Variants in EML5 observed in about 807,000 individuals in gnomAD.
EML5 encodes the protein EMAP like 5.
Under a neutral mutation model 250.0 loss-of-function variants are expected in EML5, and 120 were observed. The observed-to-expected ratio is 0.48, with a 90% CI of 0.41 to 0.56. The LOEUF (loss-of-function observed/expected upper bound fraction) is 0.56, where lower values mean the gene tolerates loss of function less well. Among genes scored for constraint, EML5 ranks in the 20% least tolerant of loss-of-function variants. The pLI is 0.00. For synonymous variants in EML5, 771 were observed against 806.5 expected (o/e 0.96, Z 0.75); for missense variants, 2,006 against 2,437.6 (o/e 0.82, Z 3.73).
At chr14:88,704,317 T>G (rs533405734) in intron 13 of EML5, among the ~76,000 whole-genome samples, 2 of 152,276 alleles carry the variant, frequency 1.3e-5, no homozygotes, top group African/African-American at 4.8e-5. Context: ...CTTTGCCTTC[T>G]GCCATGAGTA....
intron 36 of EML5, chr14:88,624,696 T>C: frequency 2.6e-6 from 1 of 378,150 alleles, no homozygotes; most frequent in South Asian, 3.1e-5. Context: ...TACACAGGCA[T>C]ACAGACATTA....
In EML5 at chr14:88,659,279, T is replaced by G. The variant is rs907242454; in HGVS notation, c.3676-891A>C. 2.0e-5 allele frequency among the ~76,000 whole-genome samples: 3 copies of G among 151,996 alleles called. No individual in the cohort carries two copies. The East Asian group carries it at 5.8e-4, about 29-fold the overall frequency. On this transcript the variant is annotated intron_variant, in intron 25 of 43. Coordinates refer to ENST00000554922, the MANE Select transcript of EML5 (RefSeq NM_183387.3). ...GATACTGGAATGCAGTGGCACGATC[T>G]TGGCCCACTGTAACCTCCGCCTCCT...
chr14:88,700,281 A>AT (rs1283048376), intron 14 of EML5, among the ~76,000 whole-genome samples: 1 of 152,086 alleles, frequency 6.6e-6, no homozygotes, highest in Non-Finnish European at 1.5e-5. Flanking sequence ...AACTCTCTAG[A>AT]TTTTTCATCT....
rs982799125 is a variant in EML5 at position 88,616,964 on chromosome 14, CTAAG to C, written c.5643-89_5643-86del. ...CAAAAAGTTTCTTGGCAATTAATCT[CTAAG>C]TACCCTATCATGTTACTTAAAATAC... On this transcript the variant is annotated intron_variant, in intron 41 of 43. Transcript: ENST00000554922. 4.3e-5 allele frequency: 55 copies of C among 1,271,954 alleles called. No homozygotes were observed. The African/African-American group carries it at 5.6e-4, about 13-fold the overall frequency. The allele number at this position is 1,271,954 out of a possible 1,614,324, so 78.8% of individuals were successfully genotyped here.
chr14:88,694,576 A>G (rs1200401201), intron 16 of EML5, among the ~76,000 whole-genome samples, 169 bp from the exon 17 acceptor site: 3 of 152,198 alleles, frequency 2.0e-5, no homozygotes, highest in Non-Finnish European at 4.4e-5. Flanking sequence ...TTAATATGGT[A>G]ACTCTGCTCA....
intron 8 of EML5, among the ~76,000 whole-genome samples, chr14:88,717,742 G>A (rs889914213): frequency 6.2e-5 from 9 of 145,566 alleles, no homozygotes; most frequent in East Asian, 2.1e-4. Context: ...GTGACAGGGC[G>A]AGACTCCGTC....
At position 88,792,195 on chromosome 14, in the gene EML5, C is replaced by T. The variant is rs974263289; in HGVS notation, c.197+112G>A. The T allele has an allele frequency of 1.5e-6, 2 of 1,305,084 alleles. No individual in the cohort carries two copies. Among genetic ancestry groups the T allele is most frequent in the Non-Finnish European group, 2.1e-6 (2 of 963,828 alleles). The allele number at this position is 1,305,084 out of a possible 1,614,324, so 80.8% of individuals were successfully genotyped here. A position where few individuals can be genotyped will look rare whatever the true frequency, so the allele number is the denominator to read the frequency against. The stretch of plus-strand genomic sequence containing the variant: ...GGACCAGAGAGACAGCTGCGGATTC[C>T]CCTCGGGGTGATGCTCCGTGCAGGA... On this transcript the variant is annotated intron_variant, in intron 1 of 43. Transcript: ENST00000554922. This position sits in a 1 kb window ranked among gnomAD's most constrained non-coding sequence, Gnocchi z 6.9.
rs777111206 is a variant in EML5, at chr14:88,688,322, T to C, written c.2691A>G (p.Lys897=). 17 of 1,613,998 alleles carry C rather than the reference T, an allele frequency of 1.1e-5. No homozygotes were observed. Among genetic ancestry groups the C allele is most frequent in the Non-Finnish European group, 1.4e-5 (17 of 1,179,894 alleles). ...CTGGCCCATCATGCGCTTTCACTGT[T>C]TTTACAAGAAAGATGTCTCTCCAGA... ...VCIWRDIFLV[K]TVKAHDGPVF... Residue 897 remains lysine (K), a synonymous_variant, in exon 18 of 44, where the codon AAA becomes AAG. Coordinates refer to ENST00000554922, the MANE Select transcript of EML5 (RefSeq NM_183387.3).
intron 4 of EML5, among the ~76,000 whole-genome samples, chr14:88,741,824 T>C (rs1420722383): frequency 6.6e-6 from 1 of 152,182 alleles, no homozygotes; most frequent in Non-Finnish European, 1.5e-5. Flanking sequence ...AATAAGTAAT[T>C]AACATTTAAA....
chr14:88,657,712 G>C (rs1220829679), intron 26 of EML5, among the ~76,000 whole-genome samples: 1 of 151,942 alleles, frequency 6.6e-6, no homozygotes, highest in African/African-American at 2.4e-5. Context: ...AATAATAGCA[G>C]GTTAAAAAAT....
At chr14:88,682,544 T>C (rs1313274281) in intron 20 of EML5, among the ~76,000 whole-genome samples, 1 of 152,144 alleles carries the variant, frequency 6.6e-6, no homozygotes, top group Non-Finnish European at 1.5e-5. Flanking sequence ...TAAACTGAGA[T>C]CCACTCCCTT....
intron 18 of EML5, among the ~76,000 whole-genome samples, chr14:88,688,025 C>T (rs1223384532): frequency 6.6e-6 from 1 of 152,134 alleles, no homozygotes; most frequent in Non-Finnish European, 1.5e-5. Context: ...GAGCTATGAC[C>T]ACACCACTGC....
At chr14:88,759,200 T>G (rs1408909675) in intron 1 of EML5, among the ~76,000 whole-genome samples, 1 of 152,204 alleles carries the variant, frequency 6.6e-6, no homozygotes, top group Admixed American at 6.5e-5. Context: ...CATTACTGTC[T>G]GTACACATAT....
chr14:88,726,731 A>G, intron 7 of EML5, 53 bp from the exon 8 acceptor site: 2 of 1,347,608 alleles, frequency 1.5e-6, no homozygotes, highest in Non-Finnish European at 2.0e-6. Flanking sequence ...ATACTTTAGT[A>G]AAAATATTTT....
intron 2 of EML5, among the ~76,000 whole-genome samples, chr14:88,752,426 TTC>T (rs1324454556): frequency 1.3e-5 from 2 of 152,180 alleles, no homozygotes; most frequent in Non-Finnish European, 2.9e-5. Flanking sequence ...GAAAATGAAA[TTC>T]TGACAGAACA....
At chr14:88,749,487 CAT>C (rs1302092385) in intron 2 of EML5, among the ~76,000 whole-genome samples, 8 of 152,026 alleles carry the variant, frequency 5.3e-5, no homozygotes, top group African/African-American at 1.9e-4. Flanking sequence ...ACAACTTACA[CAT>C]ATGAGAGTGT....
chr14:88,756,494 G>A (rs762919555), intron 1 of EML5, among the ~76,000 whole-genome samples: 3 of 152,038 alleles, frequency 2.0e-5, no homozygotes, highest in Non-Finnish European at 2.9e-5. Flanking sequence ...AGATATTCTA[G>A]CCAAGAAAAA....
In EML5 at chr14:88,688,377, A is replaced by C. The variant is rs1220134268; in HGVS notation, c.2636T>G (p.Phe879Cys). The C allele has an allele frequency of 1.9e-6, 3 of 1,613,894 alleles. No homozygotes were observed. The African/African-American group carries it at 4.0e-5, about 22-fold the overall frequency. The change falls in exon 18 of 44, where the codon TTT (phenylalanine) becomes TGT (cysteine). Residue 879 changes from phenylalanine (F) to cysteine (C), a missense_variant. By Grantham distance (205) the Phe-to-Cys change is radical. This residue lies in a region of EML5 where 1,375 missense variants were observed against 1,590.3 expected (regional missense o/e 0.86). Coordinates refer to ENST00000554922, the MANE Select transcript of EML5 (RefSeq NM_183387.3). ...CACATCTCCTGTGGATGTTCCAGAAAAAGCCATCTCTTCAGTCCATCCATA... is the reference window on the plus strand; with the variant it reads ...CACATCTCCTGTGGATGTTCCAGAACAAGCCATCTCTTCAGTCCATCCATA... ...AVYGWTEEMA[F>C]SGTSTGDVCI...
intron 23 of EML5, among the ~76,000 whole-genome samples, chr14:88,664,287 AAAAG>A (rs2092238159): frequency 6.7e-6 from 1 of 150,346 alleles, no homozygotes; most frequent in African/African-American, 2.5e-5. Context: ...AAAAAAAAAA[AAAAG>A]AAAAGAAAAA....
Sources: gnomAD v4.1 joint callset for allele counts (sites outside exome capture counted in the v4.1 genomes callset) on GRCh38, gnomAD v4.1.1 for gene constraint, gnomAD v4.1.1 regional missense constraint, Gnocchi (gnomAD v3.1) non-coding constraint, MANE v1.5 for transcripts, NCBI Gene and HGNC (gene_info 2026-07-23, HGNC 2026-07-21) for gene names.